The following RGS20 variants were observed in gnomAD, a reference collection of about 807,000 sequenced individuals.
The protein encoded by RGS20 is regulator of G protein signaling 20.
Under a neutral mutation model 33.6 loss-of-function variants are expected in RGS20, and 30 were observed. The ratio of observed to expected loss-of-function variants is 0.89; its 90% CI spans 0.67 to 1.21. The LOEUF is 1.21. Among genes scored for constraint, RGS20 ranks in the 50% most tolerant of loss-of-function variants. RGS20 has a pLI of 0.00. For missense variants in RGS20, 472 were observed against 502.4 expected, an observed-to-expected ratio of 0.94 and a Z score of 0.58; for synonymous variants, 208 against 197.9, an observed-to-expected ratio of 1.05 and a Z score of -0.43.
At chr8:53,862,674 C>T (rs1228211513) in intron 1 of RGS20, among the ~76,000 whole-genome samples, 4 of 152,208 alleles carry the variant, frequency 2.6e-5, no homozygotes, top group Admixed American at 1.3e-4. Flanking sequence ...GGCACATGCC[C>T]CTAAGTCCTA....
Position 53,870,062 on chromosome 8 carries a change from TA to T in RGS20, c.166-9188del, listed in dbSNP as rs576231261. Among the ~76,000 whole-genome samples, 72 of 151,862 alleles carry T rather than the reference TA, an allele frequency of 4.7e-4. No homozygotes were observed. In the South Asian group the frequency reaches 0.015, roughly 31 times the overall value. ...TAGAAGCTGCCAATGGCCAAACATT[TA>T]AAAAAAATGGATTCTGTGTCACAGA... is the stretch of plus-strand genomic sequence containing the variant. On this transcript the variant is annotated intron_variant, in intron 1 of 5. Transcript: ENST00000297313.
intron 2 of RGS20, among the ~76,000 whole-genome samples, chr8:53,908,757 T>C (rs1813253624): frequency 6.6e-6 from 1 of 151,824 alleles, no homozygotes; most frequent in Admixed American, 6.6e-5. Flanking sequence ...TGAGCTATAA[T>C]TGCACCACCA....
intron 3 of RGS20, among the ~76,000 whole-genome samples, chr8:53,944,320 A>T (rs561102201): frequency 2.0e-4 from 30 of 152,306 alleles, no homozygotes; most frequent in African/African-American, 7.2e-4. Context: ...CGGGCAGATC[A>T]CAAGGTCAGC....
intron 2 of RGS20, chr8:53,913,432 C>T (rs1042220922): frequency 1.3e-5 from 2 of 152,124 alleles, no homozygotes; most frequent in Admixed American, 6.6e-5. Context: ...TGAATTGTGT[C>T]CCCCCAGAAT....
intron 2 of RGS20, among the ~76,000 whole-genome samples, chr8:53,884,426 A>G (rs1812482062): frequency 6.6e-6 from 1 of 152,086 alleles, no homozygotes. Context: ...CAGCCAGTTT[A>G]AGAGAATCTG....
chr8:53,940,029 G>T (rs896493574), intron 3 of RGS20, among the ~76,000 whole-genome samples: 10 of 152,188 alleles, frequency 6.6e-5, no homozygotes, highest in African/African-American at 2.4e-4. Flanking sequence ...TGGTTAGAAA[G>T]AATTGGACTC....
intron 2 of RGS20, among the ~76,000 whole-genome samples, chr8:53,909,189 T>G (rs1162851882): frequency 1.5e-5 from 2 of 133,038 alleles, no homozygotes; most frequent in Admixed American, 7.8e-5. Context: ...GAGTACTCTA[T>G]TATCCATTAT....
At chr8:53,910,116 A>T (rs1667813304) in intron 2 of RGS20, among the ~76,000 whole-genome samples, 1 of 152,206 alleles carries the variant, frequency 6.6e-6, no homozygotes, top group African/African-American at 2.4e-5. Flanking sequence ...TTCTTTAATC[A>T]TTCATCACAT....
intron 4 of RGS20, among the ~76,000 whole-genome samples, chr8:53,947,975 A>T (rs867072592): frequency 7.3e-6 from 1 of 136,654 alleles, no homozygotes; most frequent in African/African-American, 2.6e-5. Context: ...TATGCTATAT[A>T]TAAGATAGTA....
At chr8:53,857,469 G>A (rs1270845625) in intron 1 of RGS20, among the ~76,000 whole-genome samples, 3 of 152,156 alleles carry the variant, frequency 2.0e-5, no homozygotes, top group East Asian at 1.9e-4. Flanking sequence ...ACAGAACCCA[G>A]GACAATCCAT....
Position 53,954,325 on chromosome 8 carries a change from G to A in RGS20, c.978+15G>A, listed in dbSNP as rs560172959. The A allele has an allele frequency of 1.3e-6, 2 of 1,525,428 alleles. No individual in the cohort carries two copies. Among genetic ancestry groups the A allele is most frequent in the African/African-American group, 1.4e-5 (1 of 73,324 alleles). 94.5% of individuals were successfully genotyped at this position (1,525,428 alleles called of 1,614,324 possible). A position where few individuals can be genotyped will look rare whatever the true frequency, so the allele number is the denominator to read the frequency against. On this transcript the variant is annotated intron_variant, in intron 5 of 5. Transcript: ENST00000297313. ...CTCCTAAGGAGGTATGTGACCACGA[G>A]ATGCCTTTTCCCAAGGCTGTTGGTA...
At chr8:53,893,060 C>T (rs993368454) in intron 2 of RGS20, among the ~76,000 whole-genome samples, 1 of 152,098 alleles carries the variant, frequency 6.6e-6, no homozygotes, top group Non-Finnish European at 1.5e-5. Flanking sequence ...GTAAAATCCA[C>T]ATTTAACTAC....
chr8:53,932,076 T>A (rs1203237142), intron 2 of RGS20, among the ~76,000 whole-genome samples: 14 of 152,216 alleles, frequency 9.2e-5, no homozygotes, highest in Admixed American at 9.2e-4. Context: ...GAATGTTGAA[T>A]ATCGGACCCC....
chr8:53,868,488 A>G (rs948423802), intron 1 of RGS20, among the ~76,000 whole-genome samples: 4 of 152,170 alleles, frequency 2.6e-5, no homozygotes, highest in East Asian at 3.9e-4. Flanking sequence ...CTCATCGAAT[A>G]GCTGGGGGCA....
chr8:53,901,556 T>G (rs1273721906), intron 2 of RGS20, among the ~76,000 whole-genome samples: 3 of 152,180 alleles, frequency 2.0e-5, no homozygotes, highest in Non-Finnish European at 4.4e-5. Flanking sequence ...ATTCCTTCTC[T>G]GAAAAACCGC....
Position 53,939,570 on chromosome 8 carries a change from T to C in RGS20, c.511-6T>C. On this transcript the variant is annotated splice_region_variant and splice_polypyrimidine_tract_variant and intron_variant, in intron 2 of 5. Coordinates refer to ENST00000297313, the MANE Select transcript of RGS20 (RefSeq NM_170587.4). ...CCCGCCCGCTTTGTTCCTCTCCCTC[T>C]TGCAGCAGATGGGATCAGAGCGGAT... is the stretch of plus-strand genomic sequence containing the variant. 2 of 1,542,964 alleles carry C rather than the reference T, an allele frequency of 1.3e-6. No individual in the cohort carries two copies. Among genetic ancestry groups the C allele is most frequent in the Non-Finnish European group, 1.8e-6 (2 of 1,142,372 alleles).
intron 2 of RGS20, among the ~76,000 whole-genome samples, chr8:53,888,693 G>A (rs183036631): frequency 2.2e-4 from 34 of 152,040 alleles, no homozygotes; most frequent in African/African-American, 7.5e-4. Context: ...TCAGCCCCCC[G>A]TGCTCTCCCA....
At position 53,851,830 on chromosome 8, in the gene RGS20, A is replaced by G; in HGVS notation, c.-70A>G. 6.7e-7 allele frequency: 1 copy of G among 1,502,008 alleles called. No homozygotes were observed. Among genetic ancestry groups the G allele is most frequent in the Non-Finnish European group, 9.0e-7 (1 of 1,105,754 alleles). The allele number at this position is 1,502,008 out of a possible 1,614,324, so 93.0% of individuals were successfully genotyped here. A position where few individuals can be genotyped will look rare whatever the true frequency, so the allele number is the denominator to read the frequency against. On this transcript the variant is annotated 5_prime_UTR_variant, in exon 1 of 6. Coordinates refer to ENST00000297313, the MANE Select transcript of RGS20 (RefSeq NM_170587.4). ...CAGCATTAACCAAACAAAGAGAAGCAGAGTGGATCCTGTGCTAATATTGGG... is the reference window on the plus strand; with the variant it reads ...CAGCATTAACCAAACAAAGAGAAGCGGAGTGGATCCTGTGCTAATATTGGG...
At chr8:53,870,220 G>A (rs1029548011) in intron 1 of RGS20, among the ~76,000 whole-genome samples, 1 of 152,028 alleles carries the variant, frequency 6.6e-6, no homozygotes, top group Admixed American at 6.6e-5. Context: ...TAAGCTCTAT[G>A]CATCCTTACA....
Sources: gnomAD v4.1 joint callset for allele counts (sites outside exome capture counted in the v4.1 genomes callset) on GRCh38, gnomAD v4.1.1 for gene constraint, MANE v1.5 for transcripts, NCBI Gene and HGNC (gene_info 2026-07-23, HGNC 2026-07-21) for gene names.